Variants in PHLPP2 observed in about 807,000 individuals in gnomAD.
The protein encoded by PHLPP2 is PH domain leucine-rich repeat-containing protein phosphatase 2.
Under a neutral mutation model 124.9 loss-of-function variants are expected in PHLPP2, and 66 were observed. The ratio of observed to expected loss-of-function variants is 0.53; its 90% CI spans 0.43 to 0.65. The LOEUF (loss-of-function observed/expected upper bound fraction) is 0.65, where lower values mean the gene tolerates loss of function less well. PHLPP2 is among the 30% of genes least tolerant of loss of function. The pLI, the probability that PHLPP2 is intolerant of heterozygous loss-of-function variation, is 0.00. For synonymous variants in PHLPP2, 681 were observed against 624.7 expected (o/e 1.09, Z -1.34); for missense variants, 1,685 against 1,600.4 (o/e 1.05, Z -0.90).
intron 1 of PHLPP2, among the ~76,000 whole-genome samples, chr16:71,715,950 T>G (rs893831282): frequency 6.6e-6 from 1 of 150,712 alleles, no homozygotes; most frequent in African/African-American, 2.5e-5. Context: ...GAGCCGAGAT[T>G]GTGCCACCGC....
intron 9 of PHLPP2, among the ~76,000 whole-genome samples, chr16:71,674,888 T>G (rs2044931655): frequency 6.6e-6 from 1 of 152,170 alleles, no homozygotes; most frequent in Non-Finnish European, 1.5e-5. Context: ...TCCCAGCTAC[T>G]CAGGAGGCTA....
In PHLPP2 at chr16:71,678,900, T is replaced by C; in HGVS notation, c.1123A>G (p.Ile375Val). The part of the protein sequence containing the change: ...GNLQQLSSLG[I>V]SFNNFSQIPE... The stretch of plus-strand genomic sequence containing the variant: ...ATTTGACTAAAGTTGTTGAAGGAAA[T>C]TCCCAAGGAGGAAAGCTGTTGTAGA... Residue 375 changes from isoleucine to valine, a missense_variant, in exon 8 of 19, where the codon ATT (isoleucine) becomes GTT (valine). Ile to Val is a conservative substitution (Grantham distance 29). Transcript: ENST00000568954. 1 of 1,612,960 alleles carries C rather than the reference T, an allele frequency of 6.2e-7. No homozygotes were observed. Among genetic ancestry groups the C allele is most frequent in the Non-Finnish European group, 8.5e-7 (1 of 1,178,982 alleles).
chr16:71,670,466 C>G (rs1227038278), intron 10 of PHLPP2, among the ~76,000 whole-genome samples: 2 of 152,070 alleles, frequency 1.3e-5, no homozygotes, highest in African/African-American at 4.8e-5. Flanking sequence ...TTAACTGTGT[C>G]AACACAGAAA....
At chr16:71,656,908 C>A (rs1263354922) in intron 15 of PHLPP2, among the ~76,000 whole-genome samples, 1 of 151,790 alleles carries the variant, frequency 6.6e-6, no homozygotes, top group Non-Finnish European at 1.5e-5. Flanking sequence ...TGCCACCATG[C>A]CCGGCTAATT....
intron 1 of PHLPP2, chr16:71,723,780 G>A (rs2045414635): frequency 7.5e-7 from 1 of 1,336,120 alleles, no homozygotes; most frequent in East Asian, 3.5e-5. Flanking sequence ...TTCAGGACCC[G>A]GATCCCTCCC....
chr16:71,673,810 A>C (rs1310203965), intron 9 of PHLPP2, among the ~76,000 whole-genome samples: 1 of 152,212 alleles, frequency 6.6e-6, no homozygotes, highest in Non-Finnish European at 1.5e-5. Flanking sequence ...AAATCTCCAC[A>C]GCTAGGACTT....
At chr16:71,724,167 G>A (rs1049692880) in intron 1 of PHLPP2, 162 bp downstream of exon 1, 8 of 152,578 alleles carry the variant, frequency 5.2e-5, no homozygotes, top group African/African-American at 1.9e-4. Context: ...AGCGCAAGGA[G>A]GGGTATTTGC....
intron 4 of PHLPP2, among the ~76,000 whole-genome samples, chr16:71,686,984 C>T (rs2045060513): frequency 6.6e-6 from 1 of 152,160 alleles, no homozygotes; most frequent in Non-Finnish European, 1.5e-5. Flanking sequence ...TTGAAAAGCA[C>T]ACGTTTAATT....
chr16:71,682,869 T>C (rs1453763954), intron 5 of PHLPP2, among the ~76,000 whole-genome samples: 2 of 152,074 alleles, frequency 1.3e-5, no homozygotes, highest in Non-Finnish European at 2.9e-5. Context: ...AGAAACAATA[T>C]ATCACTAGAA....
intron 8 of PHLPP2, 143 bp from the exon 9 acceptor site, chr16:71,676,792 A>G: frequency 1.6e-6 from 1 of 634,906 alleles, no homozygotes; most frequent in Non-Finnish European, 2.7e-6. Context: ...TGTGTTGCGC[A>G]GGCTGGAGTG....
chr16:71,671,160 C>G (rs530985216), intron 10 of PHLPP2, among the ~76,000 whole-genome samples: 4 of 152,142 alleles, frequency 2.6e-5, no homozygotes, highest in Non-Finnish European at 4.4e-5. Flanking sequence ...CTGATCCATG[C>G]TGGGGTTTTG....
intron 2 of PHLPP2, among the ~76,000 whole-genome samples, chr16:71,710,161 A>G (rs994095894): frequency 1.3e-5 from 2 of 152,046 alleles, no homozygotes; most frequent in Non-Finnish European, 1.5e-5. Flanking sequence ...CACACATTTC[A>G]ATAAGTCTCT....
At chr16:71,707,104 G>A (rs1440562355) in intron 2 of PHLPP2, among the ~76,000 whole-genome samples, 4 of 151,354 alleles carry the variant, frequency 2.6e-5, no homozygotes, top group Admixed American at 2.6e-4. Context: ...ACAGGCGCCC[G>A]CCACCTCGCC....
intron 17 of PHLPP2, chr16:71,655,018 C>T (rs2044730212): frequency 2.0e-6 from 1 of 489,060 alleles, no homozygotes; most frequent in South Asian, 3.8e-5. Context: ...AGATCCTCAG[C>T]AGCCTTTGGA....
chr16:71,669,586 A>T (rs2145325233), intron 10 of PHLPP2, among the ~76,000 whole-genome samples: 1 of 152,368 alleles, frequency 6.6e-6, no homozygotes, highest in East Asian at 1.9e-4. Flanking sequence ...GAAAATGTAT[A>T]ATACTGGATC....
chr16:71,723,966 G>T (rs2045417019), intron 1 of PHLPP2: 2 of 287,378 alleles, frequency 7.0e-6, no homozygotes, highest in Non-Finnish European at 1.1e-5. Context: ...CCCGCGGCCC[G>T]CCGGCTCCGC....
chr16:71,662,905 G>C (rs2044804780), intron 13 of PHLPP2, among the ~76,000 whole-genome samples: 1 of 151,534 alleles, frequency 6.6e-6, no homozygotes, highest in Admixed American at 6.6e-5. Flanking sequence ...AATGTACTTT[G>C]AAAGGTATTT....
chr16:71,688,883 T>C (rs2045079552), intron 4 of PHLPP2, among the ~76,000 whole-genome samples: 1 of 152,200 alleles, frequency 6.6e-6, no homozygotes, highest in South Asian at 2.1e-4. Flanking sequence ...AGGGATTTCA[T>C]TCATTTCCTG....
Position 71,654,744 on chromosome 16 carries a change from G to C in PHLPP2, c.2585+496C>G, listed in dbSNP as rs60129208. On this transcript the variant is annotated intron_variant, in intron 17 of 18. Transcript: ENST00000568954. ...TGATGTCAGGCTTACATCCTTATCA[G>C]GGTGTAACCCTATTCTAAGTTGAGG... is the stretch of plus-strand genomic sequence containing the variant. Among the ~76,000 whole-genome samples the C allele has an allele frequency of 5.3e-3, 810 of 152,274 alleles. 4 individuals carry two copies. Among genetic ancestry groups the C allele is most frequent in the African/African-American group, 0.018 (752 of 41,542 alleles).
Sources: gnomAD v4.1 joint callset for allele counts (sites outside exome capture counted in the v4.1 genomes callset) on GRCh38, gnomAD v4.1.1 for gene constraint, MANE v1.5 for transcripts, NCBI Gene and HGNC (gene_info 2026-07-23, HGNC 2026-07-21) for gene names.